MSI2: variants seen among roughly 807,000 people sequenced by gnomAD.
MSI2 encodes musashi RNA binding protein 2, also known as RNA-binding protein Musashi homolog 2.
Under a neutral mutation model 45.6 loss-of-function variants are expected in MSI2, and 17 were observed. The observed-to-expected ratio is 0.37, with a 90% CI of 0.26 to 0.56. The LOEUF (loss-of-function observed/expected upper bound fraction) is 0.56. Among genes scored for constraint, MSI2 ranks in the 20% least tolerant of loss-of-function variants. The pLI is 0.77. For synonymous variants in MSI2, 156 were observed against 158.2 expected (o/e 0.99, Z 0.11); for missense variants, 293 against 444.2 (o/e 0.66, Z 3.06).
At chr17:57,345,214 A>G (rs1011628894) in intron 5 of MSI2, among the ~76,000 whole-genome samples, 2 of 151,914 alleles carry the variant, frequency 1.3e-5, no homozygotes, top group Non-Finnish European at 2.9e-5. Context: ...CCTCCCTCCC[A>G]CCTGCACTGT....
At chr17:57,296,769 G>A (rs969237657) in intron 5 of MSI2, among the ~76,000 whole-genome samples, 5 of 152,156 alleles carry the variant, frequency 3.3e-5, no homozygotes, top group Non-Finnish European at 7.3e-5. Flanking sequence ...TCAATGCATC[G>A]TGGTTATGTA....
intron 5 of MSI2, among the ~76,000 whole-genome samples, chr17:57,281,643 A>G (rs1055998732): frequency 6.6e-6 from 1 of 152,018 alleles, no homozygotes; most frequent in African/African-American, 2.4e-5. Context: ...TTCCCAATAT[A>G]CTGCGTTTCA....
At chr17:57,508,037 G>T (rs1179713725) in intron 6 of MSI2, among the ~76,000 whole-genome samples, 1 of 152,164 alleles carries the variant, frequency 6.6e-6, no homozygotes, top group Non-Finnish European at 1.5e-5. Flanking sequence ...TTATGAGTTA[G>T]TGTTTAGTGA....
rs78253380 is a variant in MSI2 at position 57,347,186 on chromosome 17, G to A, written c.313-54193G>A. On this transcript the variant is annotated intron_variant, in intron 5 of 13. Transcript: ENST00000284073. ...AATACCCTTCCTCACCATTGTTCCT[G>A]GAAATGAGTTCTAGAAGCCCTGGCC... is the stretch of plus-strand genomic sequence containing the variant. 4.4e-4 allele frequency among the ~76,000 whole-genome samples: 67 copies of A among 152,186 alleles called. No individual in the cohort carries two copies. The East Asian group carries it at 0.013, about 29-fold the overall frequency.
chr17:57,468,940 C>T (rs1321638442), intron 6 of MSI2, among the ~76,000 whole-genome samples: 1 of 152,176 alleles, frequency 6.6e-6, no homozygotes, highest in African/African-American at 2.4e-5. Context: ...GACAGTTTTT[C>T]CTCCCTTGAA....
intron 5 of MSI2, among the ~76,000 whole-genome samples, chr17:57,308,721 C>A (rs1285732583): frequency 6.6e-6 from 1 of 152,208 alleles, no homozygotes. Context: ...CTCTCTCTTC[C>A]TCTGGCACTG....
intron 5 of MSI2, among the ~76,000 whole-genome samples, chr17:57,364,154 G>A (rs17221091): frequency 0.48 from 72,351 of 151,994 alleles, 19,945 homozygotes; most frequent in South Asian, 0.68. Context: ...ATTCTGTTTT[G>A]TTAGCCCTCT....
intron 7 of MSI2, among the ~76,000 whole-genome samples, chr17:57,549,556 AAT>A (rs2087256277): frequency 6.6e-6 from 1 of 152,188 alleles, no homozygotes; most frequent in Non-Finnish European, 1.5e-5. Flanking sequence ...GAGCTGGGTG[AAT>A]ATAATGGTTC....
chr17:57,327,781 G>A (rs1913929695), intron 5 of MSI2, among the ~76,000 whole-genome samples: 1 of 152,182 alleles, frequency 6.6e-6, no homozygotes, highest in African/African-American at 2.4e-5. Flanking sequence ...CCTAGTTTGT[G>A]AGTAAAGCTG....
intron 5 of MSI2, among the ~76,000 whole-genome samples, chr17:57,381,213 G>A (rs1386565447): frequency 1.3e-5 from 2 of 151,998 alleles, no homozygotes; most frequent in African/African-American, 4.8e-5. Flanking sequence ...GACTACAGGT[G>A]TACCACCACA....
intron 11 of MSI2, 141 bp from the exon 12 acceptor site, chr17:57,674,831 A>G: frequency 7.9e-7 from 1 of 1,273,574 alleles, no homozygotes. Context: ...GTTGGGCCTC[A>G]GCTGTTTTTC....
chr17:57,592,293 TC>T lies in MSI2; in HGVS notation c.455-4572del, dbSNP rs771368256. Among the ~76,000 whole-genome samples, 11 of 152,318 alleles carry T rather than the reference TC, an allele frequency of 7.2e-5. No individual in the cohort carries two copies. The East Asian group carries it at 2.1e-3, about 29-fold the overall frequency. On this transcript the variant is annotated intron_variant, in intron 7 of 13. Transcript: ENST00000284073. ...AGGATTTTTCCCACCCATCACTCTATCCCAAATTTCTGACCCCATTGTTTTT... is the reference window on the plus strand; with the variant it reads ...AGGATTTTTCCCACCCATCACTCTATCCAAATTTCTGACCCCATTGTTTTT...
intron 5 of MSI2, among the ~76,000 whole-genome samples, chr17:57,338,883 G>A (rs541775615): frequency 6.6e-6 from 1 of 152,230 alleles, no homozygotes; most frequent in South Asian, 2.1e-4. Context: ...TGTCTTCCTT[G>A]TCTCCTTTGC....
intron 5 of MSI2, 162 bp downstream of exon 5, chr17:57,262,354 GTC>G: frequency 1.5e-6 from 1 of 647,864 alleles, no homozygotes; most frequent in Non-Finnish European, 2.5e-6. Context: ...ATAACCATGC[GTC>G]TCTAAGTTAG....
chr17:57,597,032 T>C, intron 8 of MSI2, 82 bp downstream of exon 8: 1 of 1,028,302 alleles, frequency 9.7e-7, no homozygotes, highest in Non-Finnish European at 1.5e-6. Context: ...GTCCAGCCCA[T>C]CATCAGGCTG....
At chr17:57,334,752 C>T (rs757429864) in intron 5 of MSI2, among the ~76,000 whole-genome samples, 2 of 151,722 alleles carry the variant, frequency 1.3e-5, no homozygotes, top group Non-Finnish European at 2.9e-5. Flanking sequence ...CAAGATTGTG[C>T]CATTGCACTC....
intron 6 of MSI2, among the ~76,000 whole-genome samples, chr17:57,438,800 A>ATT (rs374684092): frequency 7.1e-4 from 103 of 145,058 alleles, no homozygotes; most frequent in African/African-American, 2.2e-3. Context: ...TCCCATAGGA[A>ATT]TTTTTTTTTT....
chr17:57,495,829 C>T (rs2085968824), intron 6 of MSI2, among the ~76,000 whole-genome samples: 1 of 152,216 alleles, frequency 6.6e-6, no homozygotes, highest in Non-Finnish European at 1.5e-5. Flanking sequence ...TTGAAGAGAT[C>T]GGCTGCTGTC....
chr17:57,573,342 C>T (rs111537955), intron 7 of MSI2, among the ~76,000 whole-genome samples: 3,570 of 152,268 alleles, frequency 0.023, 79 homozygotes, highest in African/African-American at 0.054. Flanking sequence ...GTGCCAAGTG[C>T]CCTCCTACAT....
Sources: allele counts gnomAD v4.1 joint callset (sites outside exome capture counted in the v4.1 genomes callset), GRCh38; gene constraint gnomAD v4.1.1; transcripts MANE v1.5; gene names NCBI Gene and HGNC (gene_info 2026-07-23, HGNC 2026-07-21).